Variants in ATXN7 observed in about 807,000 individuals in gnomAD.
ATXN7 encodes the protein ataxin 7, also known as ataxin-7.
Under a neutral mutation model 70.5 loss-of-function variants are expected in ATXN7, and 12 were observed. The observed-to-expected ratio is 0.17, with a 90% CI of 0.11 to 0.28. The LOEUF is 0.28. Among genes scored for constraint, ATXN7 ranks in the 10% least tolerant of loss-of-function variants. The pLI is 1.00. For synonymous variants in ATXN7, 498 were observed against 448.7 expected, an observed-to-expected ratio of 1.11 and a Z score of -1.39; for missense variants, 1,256 against 1,131.7, an observed-to-expected ratio of 1.11 and a Z score of -1.58.
intron 12 of ATXN7, 32 bp downstream of exon 12, chr3:63,996,515 G>T (rs759876484): frequency 6.3e-7 from 1 of 1,599,640 alleles, no homozygotes; most frequent in Non-Finnish European, 8.5e-7. Context: ...CCATGGGAAT[G>T]CCCATTTCTT....
At chr3:63,884,203 GCACA>G (rs57391192) in intron 1 of ATXN7, among the ~76,000 whole-genome samples, 27,193 of 142,676 alleles carry the variant, frequency 0.19, 2,534 homozygotes, top group Non-Finnish European at 0.2. Flanking sequence ...AATAACATGC[GCACA>G]CACACACACA....
At chr3:63,869,714 C>T (rs913877416) in intron 1 of ATXN7, among the ~76,000 whole-genome samples, 3 of 152,152 alleles carry the variant, frequency 2.0e-5, no homozygotes, top group Non-Finnish European at 4.4e-5. Flanking sequence ...TGTGAGCTAC[C>T]GCACCCTGCT....
intron 1 of ATXN7, among the ~76,000 whole-genome samples, chr3:63,885,790 G>A (rs1268540071): frequency 6.6e-6 from 1 of 152,164 alleles, no homozygotes; most frequent in Non-Finnish European, 1.5e-5. Flanking sequence ...GCCAAGGTAG[G>A]TGAATCATTT....
rs189031668 is a variant in ATXN7, at chr3:63,947,720, G to C, written c.395-4659G>C. 6.0e-3 allele frequency among the ~76,000 whole-genome samples: 913 copies of C among 152,300 alleles called. 6 individuals carry two copies. Among genetic ancestry groups the C allele is most frequent in the Non-Finnish European group, 8.4e-3 (572 of 68,020 alleles). On this transcript the variant is annotated intron_variant, in intron 4 of 12. Transcript: ENST00000674280. ...CACTCTGCTTAAAATGCCAGTGATA[G>C]TAACTAACTGGGGAGGGGGAAGGAA...
chr3:63,969,936 G>A (rs532328073), intron 5 of ATXN7, among the ~76,000 whole-genome samples: 12 of 152,292 alleles, frequency 7.9e-5, no homozygotes, highest in Admixed American at 5.9e-4. Context: ...TGGTGTAAGA[G>A]GGAGAAAGGG....
intron 1 of ATXN7, among the ~76,000 whole-genome samples, chr3:63,872,033 A>C (rs1702610278): frequency 6.6e-6 from 1 of 151,962 alleles, no homozygotes; most frequent in Non-Finnish European, 1.5e-5. Context: ...TTGGCTTTGG[A>C]GTATGTTCTA....
At chr3:63,928,310 C>CA (rs1444529191) in intron 4 of ATXN7, among the ~76,000 whole-genome samples, 1 of 151,422 alleles carries the variant, frequency 6.6e-6, no homozygotes, top group African/African-American at 2.4e-5. Context: ...CAAAAACAAA[C>CA]AAAAAAACAG....
intron 5 of ATXN7, among the ~76,000 whole-genome samples, chr3:63,971,148 A>T (rs1189505548): frequency 6.6e-6 from 1 of 152,198 alleles, no homozygotes; most frequent in African/African-American, 2.4e-5. Context: ...AGTGGAAATG[A>T]TGCCGAGTGC....
At chr3:63,982,109 C>T in intron 6 of ATXN7, 77 bp from the exon 7 acceptor site, 5 of 1,593,782 alleles carry the variant, frequency 3.1e-6, no homozygotes, top group Non-Finnish European at 4.3e-6. Flanking sequence ...GCTCTATCCT[C>T]ATCCCTCTGG....
intron 11 of ATXN7, among the ~76,000 whole-genome samples, chr3:63,991,609 G>C (rs1054777816): frequency 1.4e-4 from 22 of 152,110 alleles, no homozygotes; most frequent in African/African-American, 4.8e-4. Context: ...GCAAGAAATT[G>C]AGCACAGTAC....
At chr3:63,932,091 A>T (rs1245772793) in intron 4 of ATXN7, among the ~76,000 whole-genome samples, 8 of 152,214 alleles carry the variant, frequency 5.3e-5, no homozygotes, top group Non-Finnish European at 1.2e-4. Context: ...ACCACCAATG[A>T]ATATCCAAAG....
intron 11 of ATXN7, 144 bp from the exon 12 acceptor site, chr3:63,995,361 G>A (rs2075740082): frequency 1.2e-6 from 1 of 834,650 alleles, no homozygotes. Flanking sequence ...AAGGAGAGAG[G>A]TGACAGGATT....
intron 4 of ATXN7, among the ~76,000 whole-genome samples, chr3:63,933,028 A>G (rs1211644515): frequency 3.9e-5 from 6 of 152,172 alleles, no homozygotes; most frequent in Admixed American, 1.3e-4. Flanking sequence ...TTATTTTTAC[A>G]AGTTTATTTG....
rs375586094 is a variant in ATXN7 at position 63,952,387 on chromosome 3, A to G, written c.403A>G (p.Ile135Val). Residue 135 changes from isoleucine to valine, a missense_variant, in exon 5 of 13, where the codon ATA becomes GTA. Transcript: ENST00000674280. ...VMGLCREDMP[I>V]FGFCPAHDDF... ...CTGTTTCTGTGTTGCAGACATGCCA[A>G]TATTTGGTTTCTGTCCAGCCCATGA... 1.0e-4 allele frequency: 167 copies of G among 1,609,066 alleles called. No homozygotes were observed. Among genetic ancestry groups the G allele is most frequent in the Non-Finnish European group, 1.3e-4 (159 of 1,178,296 alleles).
At chr3:63,879,429 A>G (rs1212544800) in intron 1 of ATXN7, among the ~76,000 whole-genome samples, 2 of 151,824 alleles carry the variant, frequency 1.3e-5, no homozygotes, top group Non-Finnish European at 2.9e-5. Flanking sequence ...GTTTTTTATT[A>G]TTAAGGTTAA....
At chr3:63,936,038 G>A (rs543008896) in intron 4 of ATXN7, among the ~76,000 whole-genome samples, 7 of 152,280 alleles carry the variant, frequency 4.6e-5, no homozygotes, top group Non-Finnish European at 2.9e-5. Flanking sequence ...CTTGGAGTAG[G>A]AGGTATGAAT....
chr3:63,865,753 G>A, intron 1 of ATXN7, among the ~76,000 whole-genome samples: 1 of 151,222 alleles, frequency 6.6e-6, no homozygotes, highest in Non-Finnish European at 1.5e-5. Context: ...AAATTAGCCG[G>A]GCGTAGTGGC....
chr3:63,877,275 A>T (rs966181956), intron 1 of ATXN7, among the ~76,000 whole-genome samples: 13 of 152,192 alleles, frequency 8.5e-5, no homozygotes, highest in Non-Finnish European at 1.9e-4. Flanking sequence ...AAAACTCAGA[A>T]AATTCCACAG....
intron 1 of ATXN7, among the ~76,000 whole-genome samples, chr3:63,870,158 G>A (rs1702554432): frequency 6.6e-6 from 1 of 152,086 alleles, no homozygotes. Context: ...TAAATGAATG[G>A]GTATGACTGT....
Sources: gnomAD v4.1 joint callset for allele counts (sites outside exome capture counted in the v4.1 genomes callset) on GRCh38, gnomAD v4.1.1 for gene constraint, MANE v1.5 for transcripts, NCBI Gene and HGNC (gene_info 2026-07-23, HGNC 2026-07-21) for gene names.